Variants in IPO7 observed in about 807,000 individuals in gnomAD.
IPO7 encodes importin 7.
Under a neutral mutation model 136.4 loss-of-function variants are expected in IPO7, and 13 were observed. That is an observed-to-expected ratio of 0.10 (90% CI 0.06 to 0.15). The LOEUF is 0.15. Ranked by LOEUF, IPO7 falls within the 10% of genes least tolerant of loss-of-function variation. IPO7 has a pLI of 1.00. For synonymous variants in IPO7, 403 were observed against 404.4 expected (o/e 1.00, Z 0.04); for missense variants, 857 against 1,240.6 (o/e 0.69, Z 4.65).
chr11:9,428,213 A>C (rs929788648), intron 12 of IPO7, among the ~76,000 whole-genome samples: 11 of 152,310 alleles, frequency 7.2e-5, no homozygotes, highest in African/African-American at 2.6e-4. Context: ...ATTTTCAGCC[A>C]GAAACTTTAT....
intron 1 of IPO7, among the ~76,000 whole-genome samples, chr11:9,394,385 A>C (rs1365079559): frequency 8.6e-5 from 1 of 11,620 alleles, no homozygotes; most frequent in Non-Finnish European, 1.6e-4. Flanking sequence ...GGTGGCAGAG[A>C]AAGCAGCAGG....
intron 2 of IPO7, among the ~76,000 whole-genome samples, chr11:9,404,354 A>T (rs144731200): frequency 0.048 from 7,195 of 151,102 alleles, 238 homozygotes; most frequent in South Asian, 0.076. Flanking sequence ...AGTCCCAGCT[A>T]CTCGGGAGGC....
intron 1 of IPO7, among the ~76,000 whole-genome samples, chr11:9,398,792 A>G (rs934542143): frequency 6.6e-6 from 1 of 152,184 alleles, no homozygotes; most frequent in African/African-American, 2.4e-5. Flanking sequence ...GTTGTTAATT[A>G]TGGTTACCCT....
chr11:9,431,765 G>A (rs560477075), intron 16 of IPO7, among the ~76,000 whole-genome samples: 1 of 152,224 alleles, frequency 6.6e-6, no homozygotes, highest in South Asian at 2.1e-4. Context: ...CCTGAGGTCA[G>A]GAGTTCGAGA....
intron 6 of IPO7, among the ~76,000 whole-genome samples, chr11:9,417,657 T>C (rs1855059964): frequency 6.6e-6 from 1 of 151,898 alleles, no homozygotes; most frequent in Non-Finnish European, 1.5e-5. Flanking sequence ...GTGTTATTTG[T>C]ATAATCAAAC....
chr11:9,407,481 G>T (rs1452562350), intron 2 of IPO7, among the ~76,000 whole-genome samples: 1 of 152,048 alleles, frequency 6.6e-6, no homozygotes, highest in East Asian at 1.9e-4. Flanking sequence ...CTTGAACTAG[G>T]GAGTCAGAGG....
At chr11:9,443,932 T>C (rs1227003353) in intron 24 of IPO7, among the ~76,000 whole-genome samples, 4 of 150,478 alleles carry the variant, frequency 2.7e-5, no homozygotes. Flanking sequence ...GTTAAATAGC[T>C]CCCAGACATA....
chr11:9,413,575 T>C (rs1854998690), intron 4 of IPO7, among the ~76,000 whole-genome samples: 1 of 152,170 alleles, frequency 6.6e-6, no homozygotes, highest in Admixed American at 6.6e-5. Context: ...GTTGCCTAGG[T>C]TCATGTCTAA....
intron 2 of IPO7, among the ~76,000 whole-genome samples, chr11:9,406,104 CTT>C (rs71062847): frequency 4.2e-4 from 26 of 61,836 alleles, no homozygotes; most frequent in African/African-American, 1.3e-3. Context: ...TGAGGCTGGT[CTT>C]TTTTTTTTTT....
chr11:9,416,233 A>G lies in IPO7; in HGVS notation c.637-826A>G, dbSNP rs562105284. Among the ~76,000 whole-genome samples, 3 of 152,312 alleles carry G rather than the reference A, an allele frequency of 2.0e-5. No individual in the cohort carries two copies. In the South Asian group the frequency reaches 6.2e-4, roughly 32 times the overall value. On this transcript the variant is annotated intron_variant, in intron 5 of 24. Coordinates refer to ENST00000379719, the MANE Select transcript of IPO7 (RefSeq NM_006391.3). ...ATTAAGACTGTACTTGCCTAACTCT[A>G]TTCCTTGGTTGGATTTTGCATGTCT...
At chr11:9,422,384 C>T (rs1320379125) in intron 8 of IPO7, among the ~76,000 whole-genome samples, 4 of 151,644 alleles carry the variant, frequency 2.6e-5, no homozygotes, top group African/African-American at 9.7e-5. Context: ...GGTGCAAATA[C>T]TCATTTACTC....
chr11:9,405,985 C>T (rs1365919850), intron 2 of IPO7, among the ~76,000 whole-genome samples: 2 of 151,656 alleles, frequency 1.3e-5, no homozygotes, highest in African/African-American at 4.8e-5. Context: ...AACTTCTGGG[C>T]TCAAATAATC....
At chr11:9,385,880 G>T (rs535254482) in intron 1 of IPO7, among the ~76,000 whole-genome samples, 1 of 152,264 alleles carries the variant, frequency 6.6e-6, no homozygotes, top group East Asian at 1.9e-4. Flanking sequence ...TCTTAAAAGG[G>T]CTGCTGTAAC....
At chr11:9,437,719 A>G (rs755328460) in intron 20 of IPO7, 35 bp from the exon 21 acceptor site, 17 of 1,427,984 alleles carry the variant, frequency 1.2e-5, no homozygotes, top group Admixed American at 5.3e-5. Context: ...GCTATTAATT[A>G]TAGTCTTAGA....
intron 14 of IPO7, 141 bp from the exon 15 acceptor site, chr11:9,429,533 T>C (rs997387005): frequency 4.0e-6 from 2 of 501,882 alleles, no homozygotes; most frequent in Non-Finnish European, 3.4e-6. Flanking sequence ...ATATTAATTG[T>C]AAAAAGCCAT....
At chr11:9,429,604 G>A (rs1009537974) in intron 14 of IPO7, 70 bp from the exon 15 acceptor site, 6 of 1,254,218 alleles carry the variant, frequency 4.8e-6, no homozygotes, top group Admixed American at 5.1e-5. Flanking sequence ...AAAACTCATC[G>A]ATATTTGTTA....
chr11:9,407,882 T>C (rs536545216), intron 2 of IPO7, among the ~76,000 whole-genome samples: 1 of 152,350 alleles, frequency 6.6e-6, no homozygotes, highest in East Asian at 1.9e-4. Context: ...TTCATCAGTT[T>C]GTTAACTTTT....
Position 9,433,602 on chromosome 11 carries a change from G to C in IPO7, c.1914G>C (p.Gln638His). The C allele has an allele frequency of 6.2e-7, 1 of 1,612,522 alleles. No individual in the cohort carries two copies. Reference sequence around the variant, plus strand: ...AACAGCTTGAGGGAATCTGCTTACAGGTCATTGGTACTGTTTTACAACAGC... The same window carrying C: ...AACAGCTTGAGGGAATCTGCTTACACGTCATTGGTACTGTTTTACAACAGC... Reference protein sequence around the residue: ...ITQQLEGICLQVIGTVLQQHV... With the variant: ...ITQQLEGICLHVIGTVLQQHV... The change falls in exon 17 of 25, where the codon CAG becomes CAC. Residue 638 changes from glutamine to histidine, a missense_variant. Coordinates refer to ENST00000379719, the MANE Select transcript of IPO7 (RefSeq NM_006391.3).
chr11:9,404,698 T>C (rs1362186125), intron 2 of IPO7, among the ~76,000 whole-genome samples: 3 of 150,690 alleles, frequency 2.0e-5, no homozygotes, highest in Non-Finnish European at 4.4e-5. Flanking sequence ...CCTGAGTAGC[T>C]GGGACCACAG....
Sources: allele counts gnomAD v4.1 joint callset (sites outside exome capture counted in the v4.1 genomes callset), GRCh38; gene constraint gnomAD v4.1.1; transcripts MANE v1.5; gene names NCBI Gene and HGNC (gene_info 2026-07-23, HGNC 2026-07-21).